The following BAZ1B variants were observed in gnomAD, a reference collection of about 807,000 sequenced individuals.
BAZ1B encodes the protein bromodomain adjacent to zinc finger domain 1B.
A neutral mutation model predicts 153.8 loss-of-function variants in BAZ1B; 22 were observed. That is an observed-to-expected ratio of 0.14 (90% CI 0.10 to 0.20). BAZ1B has a LOEUF of 0.20. BAZ1B is among the 10% of genes least tolerant of loss of function. BAZ1B has a pLI of 1.00. For missense variants in BAZ1B, 1,325 were observed against 1,799.3 expected (o/e 0.74, Z 4.77); for synonymous variants, 676 against 633.4 (o/e 1.07, Z -1.01).
intron 3 of BAZ1B, among the ~76,000 whole-genome samples, chr7:73,500,894 A>AAAAAAAAAAAAAAAAAC (rs1790103181): frequency 6.6e-6 from 1 of 151,298 alleles, no homozygotes; most frequent in African/African-American, 2.4e-5. Context: ...TGTTTATAAA[A>AAAAAAAAAAAAAAAAAC]AAAAAAAAAA....
chr7:73,487,305 G>A (rs141092820), intron 6 of BAZ1B, among the ~76,000 whole-genome samples: 48 of 152,234 alleles, frequency 3.2e-4, no homozygotes, highest in African/African-American at 9.9e-4. Context: ...GTACGTGCCT[G>A]TAGTCCCCAG....
At chr7:73,512,264 T>C (rs1007824224) in intron 1 of BAZ1B, among the ~76,000 whole-genome samples, 9 of 151,810 alleles carry the variant, frequency 5.9e-5, no homozygotes, top group Non-Finnish European at 1.3e-4. Flanking sequence ...CACAAGTTCA[T>C]AAAGTTTCTT....
chr7:73,452,868 G>A (rs1187498668), intron 13 of BAZ1B, among the ~76,000 whole-genome samples: 3 of 152,100 alleles, frequency 2.0e-5, no homozygotes, highest in African/African-American at 7.2e-5. Context: ...CTAAATTCAG[G>A]AGCATCTGTA....
At chr7:73,521,773 C>A in intron 1 of BAZ1B, 54 bp downstream of exon 1, 1 of 1,409,980 alleles carries the variant, frequency 7.1e-7, no homozygotes, top group Non-Finnish European at 9.5e-7. Flanking sequence ...GAGCCCCAGG[C>A]CCTACCCCGG....
rs781872300 is a variant in BAZ1B, at chr7:73,510,881, T to C, written c.108-29A>G. ...TTGGCAGTAGTTCAGGAAAACAATA[T>C]GCAAGCAACAGAGACGACAAACCCA... is the stretch of plus-strand genomic sequence containing the variant. On this transcript the variant is annotated intron_variant, in intron 1 of 19. Coordinates refer to ENST00000339594, the MANE Select transcript of BAZ1B (RefSeq NM_032408.4). 3 of 1,587,922 alleles carry C rather than the reference T, an allele frequency of 1.9e-6. No homozygotes were observed. In the East Asian group the frequency reaches 6.7e-5, roughly 36 times the overall value.
At chr7:73,460,335 A>G (rs797035976) in intron 12 of BAZ1B, among the ~76,000 whole-genome samples, 3 of 152,314 alleles carry the variant, frequency 2.0e-5, no homozygotes, top group African/African-American at 7.2e-5. Context: ...TACTATGTGT[A>G]AAATACAATT....
intron 3 of BAZ1B, among the ~76,000 whole-genome samples, chr7:73,507,503 G>A (rs1391511914): frequency 1.3e-5 from 2 of 152,012 alleles, no homozygotes; most frequent in Non-Finnish European, 2.9e-5. Flanking sequence ...AGCCAAGATC[G>A]CGAAACTGCA....
chr7:73,503,632 C>T (rs1315072045), intron 3 of BAZ1B, among the ~76,000 whole-genome samples: 1 of 152,198 alleles, frequency 6.6e-6, no homozygotes, highest in African/African-American at 2.4e-5. Flanking sequence ...GCCTCAGCCT[C>T]CCAAAGTACT....
intron 3 of BAZ1B, among the ~76,000 whole-genome samples, chr7:73,505,238 T>C (rs1790288643): frequency 6.6e-6 from 1 of 152,154 alleles, no homozygotes; most frequent in South Asian, 2.1e-4. Context: ...TCTGGAAAGA[T>C]TTTCTTAGCC....
intron 3 of BAZ1B, among the ~76,000 whole-genome samples, chr7:73,507,612 A>G (rs1554577968): frequency 6.6e-6 from 1 of 152,222 alleles, no homozygotes; most frequent in Non-Finnish European, 1.5e-5. Context: ...GAATTATCAA[A>G]AAAGGATGAA....
At chr7:73,514,336 G>C (rs1294419568) in intron 1 of BAZ1B, among the ~76,000 whole-genome samples, 1 of 152,164 alleles carries the variant, frequency 6.6e-6, no homozygotes, top group African/African-American at 2.4e-5. Flanking sequence ...TTCGAGACCA[G>C]CGTGGCCAAC....
At chr7:73,516,214 C>A (rs1790793250) in intron 1 of BAZ1B, among the ~76,000 whole-genome samples, 1 of 152,076 alleles carries the variant, frequency 6.6e-6, no homozygotes, top group African/African-American at 2.4e-5. Flanking sequence ...GGTGGTCTCA[C>A]TACATTGCCT....
At chr7:73,442,083 C>T (rs561996908) in intron 19 of BAZ1B, 98 bp downstream of exon 19, 96 of 835,720 alleles carry the variant, frequency 1.1e-4, no homozygotes, top group Non-Finnish European at 1.3e-4. Context: ...GGATGACAGG[C>T]GTTTCTGGAC....
At position 73,447,341 on chromosome 7, in the gene BAZ1B, T is replaced by A; in HGVS notation, c.3767A>T (p.Asp1256Val). 1 of 1,613,630 alleles carries A rather than the reference T, an allele frequency of 6.2e-7. No homozygotes were observed. The highest frequency in any genetic ancestry group is 1.7e-5 in the Admixed American group (1 of 60,016). Residue 1256 changes from aspartate (D) to valine (V), a missense_variant, in exon 16 of 20, where the codon GAT becomes GTT. Around this residue, in one of 9 missense-constraint regions of BAZ1B, gnomAD observed 271 missense variants for 337.2 expected, o/e 0.80. Coordinates refer to ENST00000339594, the MANE Select transcript of BAZ1B (RefSeq NM_032408.4). The stretch of plus-strand genomic sequence containing the variant: ...CTCCTCCTCTTCATCACTCTCATCA[T>A]CTTCACTGTCCTCAGAAGCAGACTC... ...TEESASEDSE[D>V]DESDEEEEEE...
In BAZ1B at chr7:73,459,589, A is replaced by T. The variant is rs201882071; in HGVS notation, c.3379T>A (p.Ser1127Thr). The part of the protein sequence containing the change: ...QKRRKLQSED[S>T]AKTEEVDEEK... ...TCATCCACTTCCTCAGTTTTTGCTG[A>T]ATCTTCACTTTGGAGTTTTCTTCTC... Residue 1127 changes from serine to threonine, a missense_variant, in exon 13 of 20, where the codon TCA becomes ACA. This residue lies in a region of BAZ1B where 431 missense variants were observed against 563.5 expected (regional missense o/e 0.76). Transcript: ENST00000339594. 6.2e-7 allele frequency: 1 copy of T among 1,613,762 alleles called. No homozygotes were observed. Among genetic ancestry groups the T allele is most frequent in the South Asian group, 1.1e-5 (1 of 91,078 alleles).
At chr7:73,503,104 T>C (rs1790201428) in intron 3 of BAZ1B, among the ~76,000 whole-genome samples, 1 of 152,146 alleles carries the variant, frequency 6.6e-6, no homozygotes, top group Admixed American at 6.6e-5. Flanking sequence ...AAACTGAGGG[T>C]AAATACTCAA....
chr7:73,497,163 G>A (rs896389885), intron 4 of BAZ1B, among the ~76,000 whole-genome samples: 2 of 150,770 alleles, frequency 1.3e-5, no homozygotes, highest in African/African-American at 4.9e-5. Context: ...GGATCGCTTC[G>A]GCCAGGAATG....
At chr7:73,460,131 G>A (rs1366176601) in intron 12 of BAZ1B, among the ~76,000 whole-genome samples, 1 of 149,306 alleles carries the variant, frequency 6.7e-6, no homozygotes, top group African/African-American at 2.5e-5. Context: ...GGAGGTTGCA[G>A]TGAGCCAAGA....
Position 73,522,047 on chromosome 7 carries a change from G to A in BAZ1B, c.-114C>T, listed in dbSNP as rs1206635370. 4.6e-6 allele frequency: 3 copies of A among 646,680 alleles called. No homozygotes were observed. Among genetic ancestry groups the A allele is most frequent in the East Asian group, 3.5e-5 (1 of 28,688 alleles). 40.1% of individuals were successfully genotyped at this position (646,680 alleles called of 1,614,324 possible). A position where few individuals can be genotyped will look rare whatever the true frequency, so the allele number is the denominator to read the frequency against. The stretch of plus-strand genomic sequence containing the variant: ...CCCGGGGGTGGGGTGGGGGAAGGGA[G>A]GGGTGAGAGGGCGGCGCGAACTCCG... On this transcript the variant is annotated 5_prime_UTR_variant, in exon 1 of 20. Coordinates refer to ENST00000339594, the MANE Select transcript of BAZ1B (RefSeq NM_032408.4).
Sources: gnomAD v4.1 joint callset for allele counts (sites outside exome capture counted in the v4.1 genomes callset) on GRCh38, gnomAD v4.1.1 for gene constraint, gnomAD v4.1.1 regional missense constraint, MANE v1.5 for transcripts, NCBI Gene and HGNC (gene_info 2026-07-23, HGNC 2026-07-21) for gene names.